The following SNX10 variants were observed in gnomAD, a reference collection of about 807,000 sequenced individuals.
SNX10 encodes the protein sorting nexin 10.
Under a neutral mutation model 28.5 loss-of-function variants are expected in SNX10, and 25 were observed. That is an observed-to-expected ratio of 0.88 (90% CI 0.64 to 1.22). The LOEUF is 1.22. SNX10 is among the 50% of genes most tolerant of loss of function. The pLI, the probability that SNX10 is intolerant of heterozygous loss-of-function variation, is 0.00. For synonymous variants in SNX10, 62 were observed against 81.4 expected, an observed-to-expected ratio of 0.76 and a Z score of 1.28; for missense variants, 223 against 242.6, an observed-to-expected ratio of 0.92 and a Z score of 0.54.
chr7:26,293,865 A>G (rs1006976634), intron 1 of SNX10, among the ~76,000 whole-genome samples: 1 of 152,230 alleles, frequency 6.6e-6, no homozygotes, highest in Non-Finnish European at 1.5e-5. Context: ...GTTCATTAAA[A>G]AAAATAAAAG....
At chr7:26,356,839 A>G (rs1413398420) in intron 2 of SNX10, among the ~76,000 whole-genome samples, 1 of 152,140 alleles carries the variant, frequency 6.6e-6, no homozygotes, top group East Asian at 1.9e-4. Flanking sequence ...TATGCTGTTA[A>G]TTGGCACATC....
intron 1 of SNX10, among the ~76,000 whole-genome samples, chr7:26,297,502 A>G (rs1786155707): frequency 2.0e-5 from 3 of 152,204 alleles, no homozygotes; most frequent in Non-Finnish European, 2.9e-5. Context: ...GAAAGATTAT[A>G]CTTCATGTCT....
chr7:26,304,230 G>A (rs1028425714), intron 1 of SNX10, among the ~76,000 whole-genome samples: 1 of 152,144 alleles, frequency 6.6e-6, no homozygotes, highest in Non-Finnish European at 1.5e-5. Flanking sequence ...GAAGGCCTAT[G>A]CCTTCCATTT....
chr7:26,306,932 TG>T (rs1231992374), intron 1 of SNX10, among the ~76,000 whole-genome samples: 3 of 152,154 alleles, frequency 2.0e-5, no homozygotes, highest in Non-Finnish European at 4.4e-5. Context: ...TGAAGTAATT[TG>T]GGAAAGGGCA....
chr7:26,364,210 T>G lies in SNX10; in HGVS notation c.112-325T>G. Reference sequence around the variant, plus strand: ...ATGAACCTGAGCTCCTACCTGTCATTTATATGTTAGGATTTATTTTTTATG... The same window carrying G: ...ATGAACCTGAGCTCCTACCTGTCATGTATATGTTAGGATTTATTTTTTATG... On this transcript the variant is annotated intron_variant, in intron 3 of 6. Transcript: ENST00000338523. The surrounding 1 kb of genome is among the most constrained non-coding windows in gnomAD (Gnocchi z 4.9). 1 of 504,022 alleles carries G rather than the reference T, an allele frequency of 2.0e-6. No individual in the cohort carries two copies. Among genetic ancestry groups the G allele is most frequent in the Non-Finnish European group, 2.6e-6 (1 of 383,868 alleles). 31.2% of individuals were successfully genotyped at this position (504,022 alleles called of 1,614,324 possible).
chr7:26,351,907 C>T (rs1300012043), intron 2 of SNX10, among the ~76,000 whole-genome samples: 1 of 151,960 alleles, frequency 6.6e-6, no homozygotes, highest in Non-Finnish European at 1.5e-5. Flanking sequence ...CCGCCCGCCT[C>T]GGCCTCCCAA....
intron 1 of SNX10, among the ~76,000 whole-genome samples, chr7:26,299,265 G>A (rs1786230653): frequency 2.0e-5 from 3 of 151,876 alleles, no homozygotes; most frequent in Admixed American, 1.3e-4. Flanking sequence ...GTGCGATCTC[G>A]GCTCACTGCA....
At chr7:26,370,365 A>G (rs1789470513) in intron 5 of SNX10, 1 of 152,242 alleles carries the variant, frequency 6.6e-6, no homozygotes, top group African/African-American at 2.4e-5. Flanking sequence ...AATCATTATC[A>G]TGTGACATGG....
At chr7:26,304,559 A>G (rs1293501815) in intron 1 of SNX10, among the ~76,000 whole-genome samples, 2 of 151,880 alleles carry the variant, frequency 1.3e-5, no homozygotes, top group African/African-American at 4.8e-5. Context: ...GTCAGGGGGG[A>G]TTACACCGCA....
intron 1 of SNX10, among the ~76,000 whole-genome samples, chr7:26,324,097 A>T (rs1171643139): frequency 6.6e-6 from 1 of 152,180 alleles, no homozygotes; most frequent in Non-Finnish European, 1.5e-5. Flanking sequence ...CTTTCTTTAA[A>T]ATGATCCTGA....
intron 1 of SNX10, among the ~76,000 whole-genome samples, chr7:26,341,184 G>A (rs960543519): frequency 1.2e-4 from 18 of 152,004 alleles, no homozygotes; most frequent in African/African-American, 2.4e-4. Flanking sequence ...CTGTAGTCTC[G>A]GCTGCTAGGG....
intron 1 of SNX10, among the ~76,000 whole-genome samples, chr7:26,301,480 G>T (rs1449956549): frequency 2.0e-5 from 3 of 152,020 alleles, no homozygotes; most frequent in Admixed American, 2.0e-4. Flanking sequence ...GGGGATGAGA[G>T]AACAAAAAAG....
Position 26,372,589 on chromosome 7 carries a change from T to C in SNX10, c.*17T>C, listed in dbSNP as rs772297389. The C allele has an allele frequency of 2.7e-6, 4 of 1,473,392 alleles. No individual in the cohort carries two copies. Among genetic ancestry groups the C allele is most frequent in the Non-Finnish European group, 9.5e-7 (1 of 1,052,388 alleles). The allele number at this position is 1,473,392 out of a possible 1,614,324, so 91.3% of individuals were successfully genotyped here. A position where few individuals can be genotyped will look rare whatever the true frequency, so the allele number is the denominator to read the frequency against. ...GAATCCTGAAAAATAATTCTAATGT[T>C]ACTATCTTAGGAATAGCAAATTATG... On this transcript the variant is annotated 3_prime_UTR_variant, in exon 7 of 7. Transcript: ENST00000338523.
At chr7:26,340,324 G>A (rs1346658057) in intron 1 of SNX10, among the ~76,000 whole-genome samples, 2 of 152,174 alleles carry the variant, frequency 1.3e-5, no homozygotes, top group East Asian at 3.8e-4. Flanking sequence ...ACCCAGCCAT[G>A]TTCATTCAGT....
chr7:26,325,920 G>T (rs1313225173), intron 1 of SNX10, among the ~76,000 whole-genome samples: 1 of 151,920 alleles, frequency 6.6e-6, no homozygotes. Context: ...TAGAGACAGG[G>T]TTTTGCCATG....
intron 1 of SNX10, among the ~76,000 whole-genome samples, chr7:26,344,331 G>A (rs554811795): frequency 2.0e-5 from 3 of 152,012 alleles, no homozygotes; most frequent in South Asian, 2.1e-4. Context: ...CATGACTCCC[G>A]GATAAGTTTT....
chr7:26,365,836 G>A (rs952962288), intron 5 of SNX10, among the ~76,000 whole-genome samples: 1 of 119,808 alleles, frequency 8.3e-6, no homozygotes, highest in Non-Finnish European at 1.9e-5. Flanking sequence ...TCAGATCCTC[G>A]CTCTGCCACT....
chr7:26,335,782 C>T (rs1342533277), intron 1 of SNX10, among the ~76,000 whole-genome samples: 2 of 109,440 alleles, frequency 1.8e-5, no homozygotes, highest in African/African-American at 7.2e-5. Flanking sequence ...CTCGTTCTGT[C>T]GCCCAGGCGG....
At chr7:26,358,699 C>G (rs1183639523) in intron 2 of SNX10, among the ~76,000 whole-genome samples, 1 of 151,628 alleles carries the variant, frequency 6.6e-6, no homozygotes, top group African/African-American at 2.4e-5. Context: ...GAGCTGAGAT[C>G]GTACCACTGC....
Sources: allele counts gnomAD v4.1 joint callset (sites outside exome capture counted in the v4.1 genomes callset), GRCh38; gene constraint gnomAD v4.1.1; non-coding constraint Gnocchi (gnomAD v3.1); transcripts MANE v1.5; gene names NCBI Gene and HGNC (gene_info 2026-07-23, HGNC 2026-07-21).